ZNF839: variants seen among roughly 807,000 people sequenced by gnomAD.
ZNF839 encodes renal carcinoma antigen NY-REN-50.
A neutral mutation model predicts 56.4 loss-of-function variants in ZNF839; 38 were observed. The ratio of observed to expected loss-of-function variants is 0.67; its 90% CI spans 0.52 to 0.88. The LOEUF is 0.88. Among genes scored for constraint, ZNF839 ranks in the 40% least tolerant of loss-of-function variants. The pLI, the probability that ZNF839 is intolerant of heterozygous loss-of-function variation, is 0.00. For missense variants in ZNF839, 1,091 were observed against 1,177.6 expected (o/e 0.93, Z 1.08); for synonymous variants, 486 against 493.5 (o/e 0.98, Z 0.20).
rs1718541719 is a variant in ZNF839, at chr14:102,338,842, A to G, written c.1686A>G (p.Glu562=). 1.2e-6 allele frequency: 2 copies of G among 1,613,902 alleles called. No individual in the cohort carries two copies. The highest frequency in any genetic ancestry group is 8.5e-7 in the Non-Finnish European group (1 of 1,179,880). ...DKVAESLGIT[E]FLRKKEIHPD... ...TTGCTGAGTCATTAGGAATCACAGA[A>G]TTCCTACGGAAGAAAGAAATACACC... Residue 562 remains glutamate, a synonymous_variant, in exon 6 of 8, where the codon GAA becomes GAG. Coordinates refer to ENST00000442396, the MANE Select transcript of ZNF839 (RefSeq NM_018335.6).
Position 102,319,804 on chromosome 14 carries a change from G to C in ZNF839, c.39G>C (p.Glu13Asp). 8.1e-7 allele frequency: 1 copy of C among 1,233,326 alleles called. No individual in the cohort carries two copies. Among genetic ancestry groups the C allele is most frequent in the Non-Finnish European group, 1.0e-6 (1 of 989,214 alleles). 76.4% of individuals were successfully genotyped at this position (1,233,326 alleles called of 1,614,324 possible). A position where few individuals can be genotyped will look rare whatever the true frequency, so the allele number is the denominator to read the frequency against. The change falls in exon 1 of 8, where the codon GAG becomes GAC. Residue 13 changes from glutamate to aspartate, a missense_variant. By Grantham distance (45) the Glu-to-Asp change is conservative (BLOSUM62 2). Coordinates refer to ENST00000442396, the MANE Select transcript of ZNF839 (RefSeq NM_018335.6). This position sits in a 1 kb window ranked among gnomAD's most constrained non-coding sequence, Gnocchi z 4.5. ...AGCCGGAGGCTGGGGGCGGCAGCGA[G>C]GATGGCGGCGGCGGCGGCGGCCCGG... is the stretch of plus-strand genomic sequence containing the variant. ...DAEPEAGGGSEDGGGGGGPAP... is the reference protein window; with the variant it reads ...DAEPEAGGGSDDGGGGGGPAP...
intron 5 of ZNF839, among the ~76,000 whole-genome samples, chr14:102,336,303 G>GT (rs1351668949): frequency 6.7e-6 from 1 of 148,770 alleles, no homozygotes; most frequent in Non-Finnish European, 1.5e-5. Context: ...TTTTCTTTTT[G>GT]TTTTTTTGGG....
At chr14:102,318,147 A>G (rs1191335882), upstream of ZNF839, among the ~76,000 whole-genome samples, 2 of 152,232 alleles carry the variant, frequency 1.3e-5, no homozygotes, top group Non-Finnish European at 1.5e-5. Context: ...GGGGCAGCTG[A>G]CACTTAAAAT....
upstream of ZNF839, chr14:102,319,498 C>A (rs2073002600): frequency 3.1e-6 from 1 of 322,450 alleles, no homozygotes; most frequent in Non-Finnish European, 5.5e-6. The surrounding 1 kb of genome is among the most constrained non-coding windows in gnomAD (Gnocchi z 4.5). Context: ...CCTGGGAGAT[C>A]CGGGACAGCT....
Position 102,326,879 on chromosome 14 carries a change from G to A in ZNF839, c.1183G>A (p.Gly395Ser), listed in dbSNP as rs2073443104. The A allele has an allele frequency of 1.3e-6, 2 of 1,594,976 alleles. No homozygotes were observed. The highest frequency in any genetic ancestry group is 1.7e-6 in the Non-Finnish European group (2 of 1,167,976). Residue 395 changes from glycine to serine, a missense_variant, in exon 2 of 8, where the codon GGC becomes AGC. Gly to Ser is a moderately conservative substitution (Grantham distance 56). Coordinates refer to ENST00000442396, the MANE Select transcript of ZNF839 (RefSeq NM_018335.6). This position sits in a 1 kb window ranked among gnomAD's most constrained non-coding sequence, Gnocchi z 4.3. ...CTTGGTGACAGAGTCAGCACGCGGT[G>A]GCCTGCAGGTAATGTTTCTGTCTGG... ...SCLVTESARG[G>S]LQNGQSVDVE...
Position 102,331,733 on chromosome 14 carries a change from C to T in ZNF839, c.1303C>T (p.Leu435Phe), listed in dbSNP as rs1440281205. The T allele has an allele frequency of 3.7e-6, 6 of 1,606,588 alleles. No homozygotes were observed. Among genetic ancestry groups the T allele is most frequent in the Non-Finnish European group, 4.2e-6 (5 of 1,176,602 alleles). ...GPRRRACSET[L>F]AESRTAVLQQ... is the part of the protein sequence containing the mutation. ...TAGAAGACGCGCATGCTCAGAGACCCTTGCAGAGTCCCGCACAGCTGTCCT... is the reference window on the plus strand; with the variant it reads ...TAGAAGACGCGCATGCTCAGAGACCTTTGCAGAGTCCCGCACAGCTGTCCT... The change falls in exon 3 of 8, where the codon CTT becomes TTT. Residue 435 changes from leucine (L) to phenylalanine (F), a missense_variant. Physicochemically the swap from Leu to Phe is conservative, Grantham distance 22. Transcript: ENST00000442396.
In ZNF839 at chr14:102,341,658, G is replaced by A. The variant is rs745473396; in HGVS notation, c.2263G>A (p.Gly755Arg). Residue 755 changes from glycine (G) to arginine (R), a missense_variant, in exon 8 of 8, where the codon GGA (glycine) becomes AGA (arginine). By Grantham distance (125) the Gly-to-Arg change is moderately radical. Transcript: ENST00000442396. ...CTGCAGCCCTTTGTCATCTGGTGGT[G>A]GAGCAGAGTCCCTGCCGCCTGGGGG... is the stretch of plus-strand genomic sequence containing the variant. ...GFCSPLSSGG[G>R]AESLPPGGPG... 8 of 1,614,006 alleles carry A rather than the reference G, an allele frequency of 5.0e-6. No homozygotes were observed. Among genetic ancestry groups the A allele is most frequent in the Admixed American group, 3.3e-5 (2 of 60,024 alleles).
upstream of ZNF839, among the ~76,000 whole-genome samples, chr14:102,318,203 C>T (rs2072953687): frequency 1.3e-5 from 2 of 152,182 alleles, no homozygotes; most frequent in Non-Finnish European, 2.9e-5. Context: ...AATAGTCGTG[C>T]CAGGCACGTT....
intron 7 of ZNF839, 107 bp downstream of exon 7, chr14:102,339,330 G>T: frequency 2.9e-6 from 4 of 1,392,772 alleles, no homozygotes; most frequent in Non-Finnish European, 3.8e-6. Context: ...GACCTGTGCT[G>T]GATTTAAGGG....
At chr14:102,318,333 T>A (rs1388695387), upstream of ZNF839, among the ~76,000 whole-genome samples, 1 of 152,160 alleles carries the variant, frequency 6.6e-6, no homozygotes, top group African/African-American at 2.4e-5. Context: ...GCAGAAGGCA[T>A]GTGAATTCCT....
rs745508064 is a variant in ZNF839 at position 102,341,754 on chromosome 14, C to T, written c.2359C>T (p.Pro787Ser). The T allele has an allele frequency of 4.3e-6, 7 of 1,613,890 alleles. No homozygotes were observed. The highest frequency in any genetic ancestry group is 2.2e-5 in the South Asian group (2 of 91,090). Residue 787 changes from proline (P) to serine (S), a missense_variant, in exon 8 of 8, where the codon CCC (proline) becomes TCC (serine). Around this residue, in one of 3 missense-constraint regions of ZNF839, gnomAD observed 431 missense variants for 468.0 expected, o/e 0.92. Transcript: ENST00000442396. Reference sequence around the variant, plus strand: ...CCACCTGAACCACCAGCAGCCCAGCCCCACCAGCGTCCTGCCTACAGAGGT... The same window carrying T: ...CCACCTGAACCACCAGCAGCCCAGCTCCACCAGCGTCCTGCCTACAGAGGT... ...DFHLNHQQPS[P>S]TSVLPTEVAA...
intron 5 of ZNF839, chr14:102,336,583 C>T (rs1885742706): frequency 2.4e-6 from 1 of 421,244 alleles, no homozygotes; most frequent in Non-Finnish European, 4.6e-6. Context: ...GTGTGAGCCA[C>T]CACATCCGGT....
rs923787809 is a variant in ZNF839 at position 102,332,316 on chromosome 14, G to A, written c.1416+470G>A. ...CACCCAGCTAATTTTTGTATTTTTA[G>A]TAGAAATAGGGTCTCACCTTGTTGG... On this transcript the variant is annotated intron_variant, in intron 3 of 7. Coordinates refer to ENST00000442396, the MANE Select transcript of ZNF839 (RefSeq NM_018335.6). This position sits in a 1 kb window ranked among gnomAD's most constrained non-coding sequence, Gnocchi z 4.9. Among the ~76,000 whole-genome samples the A allele has an allele frequency of 6.6e-6, 1 of 151,806 alleles. No homozygotes were observed. The highest frequency in any genetic ancestry group is 2.4e-5 in the African/African-American group (1 of 41,348).
At chr14:102,325,752 C>T (rs1230723400) in intron 1 of ZNF839, among the ~76,000 whole-genome samples, 1 of 152,076 alleles carries the variant, frequency 6.6e-6, no homozygotes, top group Non-Finnish European at 1.5e-5. Flanking sequence ...GCCTTGGCCT[C>T]CCAAAGTGCT....
At chr14:102,330,539 T>TC (rs2073725654) in intron 2 of ZNF839, among the ~76,000 whole-genome samples, 1 of 150,840 alleles carries the variant, frequency 6.6e-6, no homozygotes, top group South Asian at 2.1e-4. Context: ...CCGCTCTTTT[T>TC]TTTTTTTTTT....
At chr14:102,334,715 T>TTC in intron 4 of ZNF839, 69 bp downstream of exon 4, 10 of 834,120 alleles carry the variant, frequency 1.2e-5, no homozygotes, top group African/African-American at 1.8e-5. Flanking sequence ...ATATTATTAT[T>TTC]TATTAATTAT....
At chr14:102,331,523 T>G (rs970206278) in intron 2 of ZNF839, 99 bp from the exon 3 acceptor site, 3 of 1,068,996 alleles carry the variant, frequency 2.8e-6, no homozygotes, top group Non-Finnish European at 4.0e-6. Flanking sequence ...GTGCTGGGAT[T>G]TCAGGTGTGA....
intron 2 of ZNF839, among the ~76,000 whole-genome samples, chr14:102,331,350 G>T (rs1331797961): frequency 6.6e-6 from 1 of 152,158 alleles, no homozygotes; most frequent in African/African-American, 2.4e-5. Flanking sequence ...CCAGGTTCAG[G>T]TGATTCTCCT....
rs1303986683 is a variant in ZNF839, at chr14:102,319,820, G to T, written c.55G>T (p.Gly19Cys). Residue 19 changes from glycine to cysteine, a missense_variant, in exon 1 of 8, where the codon GGC becomes TGC. Gly to Cys is a radical substitution (Grantham distance 159). Around this residue, in one of 3 missense-constraint regions of ZNF839, gnomAD observed 614 missense variants for 629.2 expected, o/e 0.98. Coordinates refer to ENST00000442396, the MANE Select transcript of ZNF839 (RefSeq NM_018335.6). This position sits in a 1 kb window ranked among gnomAD's most constrained non-coding sequence, Gnocchi z 4.5. ...CGGCAGCGAGGATGGCGGCGGCGGC[G>T]GCGGCCCGGCTCCTCCGGGCCAGAG... ...GGGSEDGGGGGGPAPPGQSGS... is the reference protein window; with the variant it reads ...GGGSEDGGGGCGPAPPGQSGS... The T allele has an allele frequency of 1.1e-5, 13 of 1,232,656 alleles. No individual in the cohort carries two copies. The highest frequency in any genetic ancestry group is 3.1e-4 in the Middle Eastern group (1 of 3,270). 76.4% of individuals were successfully genotyped at this position (1,232,656 alleles called of 1,614,324 possible). A position where few individuals can be genotyped will look rare whatever the true frequency, so the allele number is the denominator to read the frequency against.
Sources: gnomAD v4.1 joint callset for allele counts (sites outside exome capture counted in the v4.1 genomes callset) on GRCh38, gnomAD v4.1.1 for gene constraint, gnomAD v4.1.1 regional missense constraint, Gnocchi (gnomAD v3.1) non-coding constraint, MANE v1.5 for transcripts, NCBI Gene and HGNC (gene_info 2026-07-23, HGNC 2026-07-21) for gene names.